ITGA9: variants seen among roughly 807,000 people sequenced by gnomAD.
ITGA9 encodes integrin alpha-9.
In ITGA9, 56 loss-of-function variants were observed where a neutral mutation model predicts 127.8. That is an observed-to-expected ratio of 0.44 (90% CI 0.35 to 0.55). The LOEUF (loss-of-function observed/expected upper bound fraction) is 0.55. Among genes scored for constraint, ITGA9 ranks in the 20% least tolerant of loss-of-function variants. ITGA9 has a pLI of 0.00. For synonymous variants in ITGA9, 508 were observed against 514.5 expected (o/e 0.99, Z 0.17); for missense variants, 1,196 against 1,347.1 (o/e 0.89, Z 1.76).
intron 17 of ITGA9, among the ~76,000 whole-genome samples, chr3:37,662,628 G>A (rs889822814): frequency 6.6e-6 from 1 of 152,192 alleles, no homozygotes; most frequent in Non-Finnish European, 1.5e-5. Flanking sequence ...AGCCTTTTCA[G>A]GGTTGGACTT....
At chr3:37,660,008 A>G (rs200694998) in intron 17 of ITGA9, among the ~76,000 whole-genome samples, 15 of 130,520 alleles carry the variant, frequency 1.1e-4, no homozygotes, top group African/African-American at 4.1e-4. Context: ...ACACACGCAC[A>G]CACACACACA....
chr3:37,484,107 T>C (rs755728231), intron 4 of ITGA9, among the ~76,000 whole-genome samples: 7 of 152,238 alleles, frequency 4.6e-5, no homozygotes, highest in South Asian at 2.1e-4. Context: ...AAAATGATTA[T>C]GCCCCTGCCC....
chr3:37,726,813 A>G (rs181942265), intron 18 of ITGA9, among the ~76,000 whole-genome samples: 2 of 152,386 alleles, frequency 1.3e-5, no homozygotes, highest in African/African-American at 4.8e-5. Context: ...GAATACGGAA[A>G]TGAGTACGCA....
chr3:37,516,734 C>G (rs72867555), intron 9 of ITGA9, among the ~76,000 whole-genome samples: 6,791 of 152,216 alleles, frequency 0.045, 428 homozygotes, highest in African/African-American at 0.14. Flanking sequence ...CCCAGACTGC[C>G]TCTGCACTGG....
intron 26 of ITGA9, among the ~76,000 whole-genome samples, chr3:37,802,434 A>G (rs894914195): frequency 2.0e-5 from 3 of 152,168 alleles, no homozygotes; most frequent in Non-Finnish European, 2.9e-5. Context: ...TTTAGAAAAG[A>G]CTTTCCCAAA....
At chr3:37,728,649 G>A (rs991422008) in intron 18 of ITGA9, among the ~76,000 whole-genome samples, 1 of 151,904 alleles carries the variant, frequency 6.6e-6, no homozygotes, top group African/African-American at 2.4e-5. Flanking sequence ...TCCTTAGTAT[G>A]GATTTAAACA....
chr3:37,472,872 C>T (rs1324416626), intron 2 of ITGA9, among the ~76,000 whole-genome samples: 1 of 152,030 alleles, frequency 6.6e-6, no homozygotes, highest in Non-Finnish European at 1.5e-5. Context: ...GGTGCAGTGG[C>T]TTATGCCTAT....
At chr3:37,477,684 A>G (rs1447207021) in intron 3 of ITGA9, among the ~76,000 whole-genome samples, 2 of 152,170 alleles carry the variant, frequency 1.3e-5, no homozygotes, top group African/African-American at 4.8e-5. Context: ...TGAAATAACC[A>G]CTGAACAAAC....
rs1400892220 is a variant in ITGA9 at position 37,517,696 on chromosome 3, A to G, written c.1141+87A>G. ...GGGGCAGCCTGCTCGCTGACTGTCC[A>G]TCTCTAGTGGCATGCTCCTGGGTCT... On this transcript the variant is annotated intron_variant, in intron 10 of 27. Coordinates refer to ENST00000264741, the MANE Select transcript of ITGA9 (RefSeq NM_002207.3). 2.1e-4 allele frequency: 202 copies of G among 951,116 alleles called. 6 individuals are homozygous for G. The South Asian group carries it at 2.5e-3, about 12-fold the overall frequency. The allele number at this position is 951,116 out of a possible 1,614,324, so 58.9% of individuals were successfully genotyped here.
intron 23 of ITGA9, among the ~76,000 whole-genome samples, chr3:37,773,021 C>G (rs1258540481): frequency 1.3e-5 from 2 of 152,214 alleles, no homozygotes; most frequent in African/African-American, 4.8e-5. Context: ...CTGTTTCTCA[C>G]TCGCTTGCCC....
intron 1 of ITGA9, among the ~76,000 whole-genome samples, chr3:37,453,118 C>T (rs1422262453): frequency 1.3e-4 from 1 of 7,854 alleles, no homozygotes; most frequent in South Asian, 2.4e-3. Context: ...CCCCGGCGCC[C>T]CCCCCCCCCC....
chr3:37,790,692 T>G (rs1697098574), intron 26 of ITGA9: 1 of 188,788 alleles, frequency 5.3e-6, no homozygotes, highest in Non-Finnish European at 1.1e-5. Flanking sequence ...TGTTAGCATG[T>G]TTCTAGGACC....
At chr3:37,716,555 A>T (rs539510237) in intron 18 of ITGA9, among the ~76,000 whole-genome samples, 1 of 150,392 alleles carries the variant, frequency 6.6e-6, no homozygotes, top group South Asian at 2.1e-4. Context: ...TCTCCCTCAC[A>T]GCCAAGCCAA....
At chr3:37,759,175 C>T (rs1696694260) in intron 23 of ITGA9, among the ~76,000 whole-genome samples, 1 of 151,372 alleles carries the variant, frequency 6.6e-6, no homozygotes. Context: ...CTGCACACTC[C>T]AGGAAAAACA....
At chr3:37,515,580 A>G (rs1255728418) in intron 9 of ITGA9, among the ~76,000 whole-genome samples, 1 of 152,148 alleles carries the variant, frequency 6.6e-6, no homozygotes, top group African/African-American at 2.4e-5. Context: ...TCTACTAAAA[A>G]CACACAAAAA....
At chr3:37,590,091 A>T (rs1553648960) in intron 15 of ITGA9, among the ~76,000 whole-genome samples, 1 of 152,142 alleles carries the variant, frequency 6.6e-6, no homozygotes, top group Non-Finnish European at 1.5e-5. Flanking sequence ...CAAGGATGTG[A>T]TGCATAGTAT....
chr3:37,715,061 T>G (rs1012982568), intron 18 of ITGA9, among the ~76,000 whole-genome samples: 1 of 152,172 alleles, frequency 6.6e-6, no homozygotes, highest in Admixed American at 6.5e-5. Context: ...AGCAAAATGT[T>G]TAGCAAAATG....
chr3:37,602,618 A>G lies in ITGA9; in HGVS notation c.1690-26569A>G, dbSNP rs1287855848. On this transcript the variant is annotated intron_variant, in intron 15 of 27. Coordinates refer to ENST00000264741, the MANE Select transcript of ITGA9 (RefSeq NM_002207.3). Reference sequence around the variant, plus strand: ...AGTTTTTTTAATTTTTATTTTTTGCATTTCTTGATCATTTCAAAGTGAGGT... The same window carrying G: ...AGTTTTTTTAATTTTTATTTTTTGCGTTTCTTGATCATTTCAAAGTGAGGT... Among the ~76,000 whole-genome samples the G allele has an allele frequency of 2.6e-5, 4 of 151,976 alleles. No individual in the cohort carries two copies. The East Asian group carries it at 7.7e-4, about 29-fold the overall frequency.
chr3:37,809,098 T>C (rs962540990), intron 27 of ITGA9, among the ~76,000 whole-genome samples: 2 of 151,288 alleles, frequency 1.3e-5, no homozygotes, highest in African/African-American at 2.4e-5. Context: ...CTTTTTTTTT[T>C]TTTTTTTGTG....
Sources: gnomAD v4.1 joint callset for allele counts (sites outside exome capture counted in the v4.1 genomes callset) on GRCh38, gnomAD v4.1.1 for gene constraint, MANE v1.5 for transcripts, NCBI Gene and HGNC (gene_info 2026-07-23, HGNC 2026-07-21) for gene names.